Variants in KMO observed in about 807,000 individuals in gnomAD.
KMO encodes kynurenine 3-hydroxylase.
Under a neutral mutation model 57.8 loss-of-function variants are expected in KMO, and 24 were observed. The ratio of observed to expected loss-of-function variants is 0.42; its 90% CI spans 0.30 to 0.58. The LOEUF is 0.58. Among genes scored for constraint, KMO ranks in the 20% least tolerant of loss-of-function variants. The pLI is 0.22. For synonymous variants in KMO, 210 were observed against 193.6 expected, an observed-to-expected ratio of 1.08 and a Z score of -0.70; for missense variants, 483 against 588.2, an observed-to-expected ratio of 0.82 and a Z score of 1.85.
rs1018981545 is a variant in KMO at position 241,555,512 on chromosome 1, C to T, written c.313-100C>T. On this transcript the variant is annotated intron_variant, in intron 4 of 14. Transcript: ENST00000366559. ...GTTATAAAACTAAGCTTGCAACCCT[C>T]TGCTAAATAATAAATATGTTTTATT... is the stretch of plus-strand genomic sequence containing the variant. The T allele has an allele frequency of 1.1e-4, 68 of 644,648 alleles. 1 individual carries two copies. The South Asian group carries it at 1.3e-3, about 12-fold the overall frequency. The allele number at this position is 644,648 out of a possible 1,614,324, so 39.9% of individuals were successfully genotyped here.
At chr1:241,566,431 C>T (rs1032815261) in intron 8 of KMO, 60 bp from the exon 9 acceptor site, 6 of 1,565,102 alleles carry the variant, frequency 3.8e-6, no homozygotes, top group African/African-American at 1.4e-5. Flanking sequence ...TCAGGAGCCA[C>T]CTAGTGCCAG....
chr1:241,586,187 T>C (rs1218253612), intron 10 of KMO, among the ~76,000 whole-genome samples: 2 of 143,690 alleles, frequency 1.4e-5, no homozygotes, highest in Non-Finnish European at 3.0e-5. Context: ...ATGAAGTCTA[T>C]GGTCTTTTTT....
intron 10 of KMO, among the ~76,000 whole-genome samples, chr1:241,573,735 T>C (rs554327206): frequency 9.5e-4 from 145 of 152,274 alleles, no homozygotes; most frequent in African/African-American, 3.2e-3. Flanking sequence ...TTCTTTTTGC[T>C]ATTTGGGCTC....
chr1:241,588,292 C>G (rs1031293124), intron 11 of KMO, among the ~76,000 whole-genome samples: 3 of 145,002 alleles, frequency 2.1e-5, no homozygotes, highest in Admixed American at 1.4e-4. Context: ...CTGAAGAGAT[C>G]ATAGAATTCC....
intron 1 of KMO, among the ~76,000 whole-genome samples, chr1:241,548,159 A>G (rs1661222149): frequency 6.6e-6 from 1 of 151,860 alleles, no homozygotes; most frequent in Admixed American, 6.6e-5. Context: ...GGCGGGGCAC[A>G]GTGGCTCATG....
At chr1:241,556,637 T>A (rs973285211) in intron 5 of KMO, among the ~76,000 whole-genome samples, 1 of 152,084 alleles carries the variant, frequency 6.6e-6, no homozygotes, top group African/African-American at 2.4e-5. Context: ...CCCAGCACAT[T>A]GGGAGGCCGA....
At chr1:241,569,572 G>A (rs1662202046) in intron 10 of KMO, among the ~76,000 whole-genome samples, 1 of 152,068 alleles carries the variant, frequency 6.6e-6, no homozygotes, top group Non-Finnish European at 1.5e-5. Flanking sequence ...TGGACACTTA[G>A]GTTGATTCCA....
chr1:241,588,329 CTTTTTTTTT>C (rs57587351), intron 11 of KMO, among the ~76,000 whole-genome samples: 12 of 98,388 alleles, frequency 1.2e-4, no homozygotes, highest in South Asian at 3.9e-4. Context: ...TCTTTTTTTT[CTTTTTTTTT>C]TTTTTTTTTT....
Position 241,560,534 on chromosome 1 carries a change from C to T in KMO, c.362-131C>T. On this transcript the variant is annotated intron_variant, in intron 5 of 14. Transcript: ENST00000366559. ...GTTGTCAAATTACCATTTAAGTGAA[C>T]TTATTTTTACATTGTTATGAATAAA... The T allele has an allele frequency of 1.1e-5, 7 of 661,196 alleles. 1 individual carries two copies. In the South Asian group the frequency reaches 1.3e-4, roughly 12 times the overall value. The allele number at this position is 661,196 out of a possible 1,614,324, so 41.0% of individuals were successfully genotyped here. A position where few individuals can be genotyped will look rare whatever the true frequency, so the allele number is the denominator to read the frequency against.
In KMO at chr1:241,594,801, G is replaced by A. The variant is rs1261374636; in HGVS notation, c.*2648G>A. On this transcript the variant is annotated 3_prime_UTR_variant, in exon 15 of 15. Coordinates refer to ENST00000366559, the MANE Select transcript of KMO (RefSeq NM_003679.5). ...AATTTAAGTTGTTTTTTGTTTGTTA[G>A]CAGGTGTGGATGTGGGGTTATGTGG... 3 of 1,303,540 alleles carry A rather than the reference G, an allele frequency of 2.3e-6. No individual in the cohort carries two copies. Among genetic ancestry groups the A allele is most frequent in the Non-Finnish European group, 3.2e-6 (3 of 944,532 alleles). 80.7% of individuals were successfully genotyped at this position (1,303,540 alleles called of 1,614,324 possible).
At chr1:241,532,519 T>C in intron 1 of KMO, 21 bp downstream of exon 1, 1 of 1,573,392 alleles carries the variant, frequency 6.4e-7, no homozygotes, top group East Asian at 2.3e-5. Context: ...TCAGATGGAT[T>C]ACTATTGTTG....
intron 10 of KMO, among the ~76,000 whole-genome samples, chr1:241,572,847 A>G (rs752582840): frequency 1.3e-5 from 2 of 152,000 alleles, no homozygotes; most frequent in Admixed American, 6.6e-5. Context: ...GCGTTTCTGT[A>G]CTCATAATTT....
intron 10 of KMO, among the ~76,000 whole-genome samples, chr1:241,576,743 A>G (rs979741078): frequency 6.6e-6 from 1 of 152,080 alleles, no homozygotes; most frequent in Non-Finnish European, 1.5e-5. Flanking sequence ...TTCTTTTTGT[A>G]ATGAATCTCC....
chr1:241,572,892 G>A (rs1430655743), intron 10 of KMO, among the ~76,000 whole-genome samples: 1 of 152,044 alleles, frequency 6.6e-6, no homozygotes, highest in Non-Finnish European at 1.5e-5. Context: ...TACAGTATTT[G>A]ATTTTCTATT....
chr1:241,591,395 A>G (rs991114420), intron 14 of KMO, among the ~76,000 whole-genome samples: 1 of 151,704 alleles, frequency 6.6e-6, no homozygotes, highest in African/African-American at 2.4e-5. Context: ...TGTAACTTTT[A>G]CATGTGAGTA....
chr1:241,578,601 G>A (rs1189481715), intron 10 of KMO, among the ~76,000 whole-genome samples: 4 of 152,104 alleles, frequency 2.6e-5, no homozygotes, highest in African/African-American at 4.8e-5. Flanking sequence ...TCAGATGGAG[G>A]GGAGTGACAT....
intron 8 of KMO, among the ~76,000 whole-genome samples, chr1:241,565,753 A>C (rs1303777963): frequency 1.3e-5 from 2 of 152,104 alleles, no homozygotes; most frequent in Admixed American, 6.6e-5. Flanking sequence ...CTTTTCTTTC[A>C]TTAGACCCTA....
chr1:241,537,917 C>T (rs879671721), intron 1 of KMO, among the ~76,000 whole-genome samples: 10 of 152,120 alleles, frequency 6.6e-5, no homozygotes, highest in Non-Finnish European at 1.3e-4. Flanking sequence ...TGGGTGGGGA[C>T]ACAACCAAAC....
chr1:241,539,389 A>AAAAAC (rs920402236), intron 1 of KMO, among the ~76,000 whole-genome samples: 2 of 150,382 alleles, frequency 1.3e-5, no homozygotes, highest in African/African-American at 4.9e-5. Flanking sequence ...GTCTCAAAAA[A>AAAAAC]ATTCCAGAAA....
Sources: gnomAD v4.1 joint callset for allele counts (sites outside exome capture counted in the v4.1 genomes callset) on GRCh38, gnomAD v4.1.1 for gene constraint, MANE v1.5 for transcripts, NCBI Gene and HGNC (gene_info 2026-07-23, HGNC 2026-07-21) for gene names.